Variants in RSU1 observed in about 807,000 individuals in gnomAD.
The protein encoded by RSU1 is Ras suppressor protein 1.
A neutral mutation model predicts 31.1 loss-of-function variants in RSU1; 26 were observed. That is an observed-to-expected ratio of 0.84 (90% CI 0.61 to 1.16). The LOEUF is 1.16. RSU1 is among the 50% of genes most tolerant of loss of function. The probability of loss-of-function intolerance (pLI) is 0.00; values close to 1 mark genes in which losing one functional copy is unlikely to be tolerated. For synonymous variants in RSU1, 164 were observed against 136.3 expected (o/e 1.20, Z -1.41); for missense variants, 320 against 339.1 (o/e 0.94, Z 0.44).
intron 3 of RSU1, among the ~76,000 whole-genome samples, chr10:16,781,649 C>A (rs1837652282): frequency 6.6e-6 from 1 of 152,174 alleles, no homozygotes. Flanking sequence ...ACTTCCAGAG[C>A]AACAATGTCA....
chr10:16,675,802 C>T (rs1835217399), intron 8 of RSU1, among the ~76,000 whole-genome samples: 1 of 152,212 alleles, frequency 6.6e-6, no homozygotes, highest in South Asian at 2.1e-4. Flanking sequence ...GCAGACCTGA[C>T]ATCACCCTGC....
At chr10:16,656,187 T>C (rs1834774566) in intron 8 of RSU1, among the ~76,000 whole-genome samples, 1 of 152,310 alleles carries the variant, frequency 6.6e-6, no homozygotes, top group East Asian at 1.9e-4. Context: ...TCCTACCACT[T>C]AAGAAAACTA....
At chr10:16,812,210 G>A (rs1588553057) in intron 2 of RSU1, among the ~76,000 whole-genome samples, 3 of 152,384 alleles carry the variant, frequency 2.0e-5, no homozygotes, top group African/African-American at 7.2e-5. Context: ...GGGAGGCCAA[G>A]GCGGGTGGAT....
chr10:16,669,054 G>A (rs1434045773), intron 8 of RSU1, among the ~76,000 whole-genome samples: 2 of 152,002 alleles, frequency 1.3e-5, no homozygotes, highest in Non-Finnish European at 2.9e-5. Context: ...TCACTACTTT[G>A]ACCTGCAGTC....
Position 16,817,058 on chromosome 10 carries a change from C to A in RSU1, c.24G>T (p.Leu8Phe). The A allele has an allele frequency of 6.2e-7, 1 of 1,614,018 alleles. No individual in the cohort carries two copies. MSKSLKK[L>F]VEESREKNQP... is the part of the protein sequence containing the mutation. The stretch of plus-strand genomic sequence containing the variant: ...GGTTCTTCTCCCGGCTCTCCTCCAC[C>A]AACTTCTTCAGAGACTTGGACATGG... The change falls in exon 2 of 9, where the codon TTG becomes TTT. Residue 8 changes from leucine to phenylalanine, a missense_variant. Coordinates refer to ENST00000345264, the MANE Select transcript of RSU1 (RefSeq NM_012425.4).
intron 7 of RSU1, among the ~76,000 whole-genome samples, chr10:16,741,430 G>C (rs1046603457): frequency 1.3e-5 from 2 of 152,124 alleles, no homozygotes; most frequent in Non-Finnish European, 2.9e-5. Flanking sequence ...GGTAACAAAC[G>C]ATGTTCTAAA....
Position 16,676,206 on chromosome 10 carries a change from T to C in RSU1, c.731+18817A>G, listed in dbSNP as rs1835228672. On this transcript the variant is annotated intron_variant, in intron 8 of 8. Coordinates refer to ENST00000345264, the MANE Select transcript of RSU1 (RefSeq NM_012425.4). The stretch of plus-strand genomic sequence containing the variant: ...CCATTTTCATACTGCTATGAAGAAA[T>C]ACCCACGACTGAGTAGTTTATAAAT... Among the ~76,000 whole-genome samples the C allele has an allele frequency of 2.0e-5, 3 of 152,272 alleles. No individual in the cohort carries two copies. The South Asian group carries it at 6.2e-4, about 32-fold the overall frequency.
At chr10:16,594,411 A>ATT (rs529382536) in intron 8 of RSU1, among the ~76,000 whole-genome samples, 1 of 141,520 alleles carries the variant, frequency 7.1e-6, no homozygotes, top group Admixed American at 7.1e-5. Flanking sequence ...GGCGTCCGGC[A>ATT]TTTTTTTTTT....
rs193231979 is a variant in RSU1 at position 16,624,909 on chromosome 10, G to A, written c.732-31413C>T. ...ACCATGAAACTGAAGGCTACAGCTGGCTTCCTAATTAATATTAGTCACTTT... is the reference window on the plus strand; with the variant it reads ...ACCATGAAACTGAAGGCTACAGCTGACTTCCTAATTAATATTAGTCACTTT... On this transcript the variant is annotated intron_variant, in intron 8 of 8. Transcript: ENST00000345264. Among the ~76,000 whole-genome samples the A allele has an allele frequency of 8.5e-5, 13 of 152,194 alleles. No homozygotes were observed. The East Asian group carries it at 2.3e-3, about 27-fold the overall frequency.
intron 8 of RSU1, among the ~76,000 whole-genome samples, chr10:16,621,957 T>C (rs1487509824): frequency 2.0e-5 from 3 of 152,188 alleles, no homozygotes; most frequent in Admixed American, 6.6e-5. Context: ...ATTTGAGAAC[T>C]GAACTTATTA....
chr10:16,813,323 T>C (rs926991865), intron 2 of RSU1, among the ~76,000 whole-genome samples: 3 of 152,138 alleles, frequency 2.0e-5, no homozygotes, highest in African/African-American at 4.8e-5. Context: ...TACCAAACAC[T>C]ACAGGTTCTA....
chr10:16,816,698 C>A (rs1184744574), intron 2 of RSU1, among the ~76,000 whole-genome samples: 1 of 152,242 alleles, frequency 6.6e-6, no homozygotes, highest in Non-Finnish European at 1.5e-5. Context: ...ATTAAGCAAA[C>A]TGTGGAAAAT....
intron 8 of RSU1, 105 bp from the exon 9 acceptor site, chr10:16,593,601 A>T (rs1833552234): frequency 1.2e-5 from 11 of 880,458 alleles, no homozygotes; most frequent in Middle Eastern, 2.3e-4. Flanking sequence ...AATATTCAGT[A>T]AGCCAAAGAA....
chr10:16,600,566 T>G lies in RSU1; in HGVS notation c.732-7070A>C, dbSNP rs796848381. On this transcript the variant is annotated intron_variant, in intron 8 of 8. Transcript: ENST00000345264. ...ATTACTGACACGTGTTTTTTTTTTTTTAGGGGGGGGTGGTTTTTGAGACAG... is the reference window on the plus strand; with the variant it reads ...ATTACTGACACGTGTTTTTTTTTTTGTAGGGGGGGGTGGTTTTTGAGACAG... 2.0e-4 allele frequency among the ~76,000 whole-genome samples: 24 copies of G among 117,742 alleles called. 1 individual carries two copies. The highest frequency in any genetic ancestry group is 1.3e-3 in the African/African-American group (23 of 18,174). The allele number at this position is 117,742 out of a possible 152,430, so 77.2% of individuals were successfully genotyped here. A position where few individuals can be genotyped will look rare whatever the true frequency, so the allele number is the denominator to read the frequency against.
chr10:16,751,913 G>A (rs565418573), intron 7 of RSU1, among the ~76,000 whole-genome samples: 17 of 152,206 alleles, frequency 1.1e-4, no homozygotes, highest in South Asian at 8.3e-4. Flanking sequence ...TATTTCTGGC[G>A]GGGGACATAA....
chr10:16,713,957 C>G (rs990253753), intron 7 of RSU1, among the ~76,000 whole-genome samples: 1 of 152,122 alleles, frequency 6.6e-6, no homozygotes, highest in African/African-American at 2.4e-5. Context: ...CAATCTTCAT[C>G]AGCAATGTCT....
chr10:16,774,830 G>A (rs570473665), intron 3 of RSU1, among the ~76,000 whole-genome samples: 1 of 152,204 alleles, frequency 6.6e-6, no homozygotes, highest in South Asian at 2.1e-4. Context: ...CTGGGCACAG[G>A]GGCTCACAGT....
At chr10:16,771,210 T>C (rs1361230274) in intron 3 of RSU1, among the ~76,000 whole-genome samples, 1 of 152,192 alleles carries the variant, frequency 6.6e-6, no homozygotes, top group Non-Finnish European at 1.5e-5. Context: ...CTCTTCATTA[T>C]ATATACGGGA....
chr10:16,683,157 T>G (rs891707652), intron 8 of RSU1, among the ~76,000 whole-genome samples: 125 of 88,596 alleles, frequency 1.4e-3, no homozygotes, highest in African/African-American at 5.7e-3. Flanking sequence ...GGAATGGGTG[T>G]GTGGTGTGTG....
Sources: allele counts gnomAD v4.1 joint callset (sites outside exome capture counted in the v4.1 genomes callset), GRCh38; gene constraint gnomAD v4.1.1; transcripts MANE v1.5; gene names NCBI Gene and HGNC (gene_info 2026-07-23, HGNC 2026-07-21).